ERI1: variants seen among roughly 807,000 people sequenced by gnomAD.
ERI1 encodes 3'-5' exoribonuclease 1.
ERI1 carries 39 observed loss-of-function variants against 39.7 expected under a neutral mutation model. The ratio of observed to expected loss-of-function variants is 0.98; its 90% CI spans 0.76 to 1.28. ERI1 has a LOEUF of 1.28. ERI1 is among the 50% of genes most tolerant of loss of function. The pLI, the probability that ERI1 is intolerant of heterozygous loss-of-function variation, is 0.00. For missense variants in ERI1, 581 were observed against 416.9 expected (o/e 1.39, Z -3.43); for synonymous variants, 204 against 149.6 (o/e 1.36, Z -2.65).
At chr8:9,061,102 C>T (rs1053988595) in intron 3 of ERI1, among the ~76,000 whole-genome samples, 4 of 152,124 alleles carry the variant, frequency 2.6e-5, no homozygotes, top group East Asian at 1.9e-4. Flanking sequence ...GGGAGCGGAG[C>T]GGTAGCCTCA....
intron 3 of ERI1, among the ~76,000 whole-genome samples, chr8:9,014,927 T>A (rs1817067039): frequency 6.6e-6 from 1 of 152,166 alleles, no homozygotes; most frequent in Non-Finnish European, 1.5e-5. Context: ...AACCTCTGCC[T>A]CCTGGGTTCA....
rs575612199 is a variant in ERI1, at chr8:9,025,274, C to G, written c.808-4518C>G. Among the ~76,000 whole-genome samples the G allele has an allele frequency of 8.7e-4, 133 of 152,240 alleles. 1 individual carries two copies. Among genetic ancestry groups the G allele is most frequent in the African/African-American group, 3.0e-3 (126 of 41,526 alleles). On this transcript the variant is annotated intron_variant, in intron 6 of 6. Coordinates refer to ENST00000250263, the MANE Select transcript of ERI1 (RefSeq NM_153332.4). ...AGCTTTCCTCACTTGATATCAAGCC[C>G]AAGCAAAAGGTGGACATTTTAAGGT...
rs950142664 is a variant in ERI1 at position 9,032,858 on chromosome 8, A to T, written c.*2824A>T. On this transcript the variant is annotated 3_prime_UTR_variant, in exon 7 of 7. Coordinates refer to ENST00000250263, the MANE Select transcript of ERI1 (RefSeq NM_153332.4). ...GAAACTACCTGCCTCACAGATGAGC[A>T]CGCACGGGTGCATTGTCAAAGTCTG... 6.6e-6 allele frequency: 1 copy of T among 152,194 alleles called. No homozygotes were observed. Among genetic ancestry groups the T allele is most frequent in the Non-Finnish European group, 1.5e-5 (1 of 68,034 alleles). The allele number at this position is 152,194 out of a possible 1,614,324, so 9.4% of individuals were successfully genotyped here.
intron 5 of ERI1, among the ~76,000 whole-genome samples, chr8:9,018,981 C>T (rs961875885): frequency 1.3e-5 from 2 of 152,144 alleles, no homozygotes; most frequent in Non-Finnish European, 2.9e-5. Context: ...TGACATCTGA[C>T]CATATATTCT....
chr8:9,004,191 C>A (rs113348822), intron 1 of ERI1: 1 of 1,286,292 alleles, frequency 7.8e-7, no homozygotes, highest in Non-Finnish European at 1.0e-6. Flanking sequence ...CTTTCTCCTT[C>A]TAAGGTTGTT....
chr8:9,050,548 G>C (rs189403657), intron 3 of ERI1, among the ~76,000 whole-genome samples: 136 of 151,700 alleles, frequency 9.0e-4, no homozygotes, highest in African/African-American at 3.1e-3. Flanking sequence ...CTTGAAGCTA[G>C]AACAGAAAAA....
chr8:9,083,828 C>G (rs977629452), intron 3 of ERI1, among the ~76,000 whole-genome samples: 67 of 151,994 alleles, frequency 4.4e-4, no homozygotes, highest in African/African-American at 1.5e-3. Context: ...GAGTCTCGCT[C>G]TGTAGCCCAG....
chr8:9,098,331 C>T (rs897129352), intron 3 of ERI1, among the ~76,000 whole-genome samples: 1 of 152,200 alleles, frequency 6.6e-6, no homozygotes, highest in Non-Finnish European at 1.5e-5. Context: ...ACCAGCCTGG[C>T]CAACATGGTG....
intron 1 of ERI1, among the ~76,000 whole-genome samples, chr8:9,005,368 C>T (rs1815867958): frequency 6.6e-6 from 1 of 152,174 alleles, no homozygotes. Flanking sequence ...TTTCTTGCAA[C>T]AACAGATTGT....
downstream of ERI1, among the ~76,000 whole-genome samples, chr8:9,037,674 C>A (rs1319159744): frequency 6.6e-6 from 1 of 152,068 alleles, no homozygotes; most frequent in Non-Finnish European, 1.5e-5. Context: ...AGCGTAAGTC[C>A]TGACTGCCGT....
intron 3 of ERI1, among the ~76,000 whole-genome samples, chr8:9,073,666 G>A (rs1799124346): frequency 6.6e-6 from 1 of 152,138 alleles, no homozygotes; most frequent in Non-Finnish European, 1.5e-5. Flanking sequence ...TATTCTTCTG[G>A]TATGAAATAA....
chr8:9,027,631 A>G (rs962808928), intron 6 of ERI1, among the ~76,000 whole-genome samples: 1 of 152,098 alleles, frequency 6.6e-6, no homozygotes, highest in Admixed American at 6.5e-5. Context: ...TAGGTCTTTG[A>G]TCAATTTTAA....
At chr8:9,090,927 T>G (rs1799681730) in intron 3 of ERI1, among the ~76,000 whole-genome samples, 1 of 152,200 alleles carries the variant, frequency 6.6e-6, no homozygotes, top group African/African-American at 2.4e-5. Flanking sequence ...TTTATAAACT[T>G]TTTATAGTGT....
chr8:9,092,156 C>T (rs1465421373), intron 3 of ERI1, among the ~76,000 whole-genome samples: 1 of 152,136 alleles, frequency 6.6e-6, no homozygotes, highest in Non-Finnish European at 1.5e-5. Flanking sequence ...AGGGTTTCGC[C>T]ATGTTGCCCA....
At chr8:9,041,308 C>G (rs977819545) in intron 3 of ERI1, among the ~76,000 whole-genome samples, 3 of 152,106 alleles carry the variant, frequency 2.0e-5, no homozygotes, top group Admixed American at 1.3e-4. Flanking sequence ...TCCTTGTATT[C>G]TCCCAAGAGA....
chr8:9,098,135 G>A (rs1799936238), intron 3 of ERI1, among the ~76,000 whole-genome samples: 1 of 152,226 alleles, frequency 6.6e-6, no homozygotes, highest in Admixed American at 6.5e-5. Context: ...TGTAATTCCA[G>A]CACTTTGGGA....
chr8:9,048,367 A>G, intron 3 of ERI1: 3 of 154,498 alleles, frequency 1.9e-5, no homozygotes, highest in Middle Eastern at 1.0e-3. Context: ...GTGAGGGTTC[A>G]AGATAGGAAT....
intron 5 of ERI1, 116 bp downstream of exon 5, chr8:9,018,522 C>T: frequency 3.3e-6 from 2 of 601,106 alleles, no homozygotes; most frequent in Admixed American, 3.0e-5. Flanking sequence ...AGAGTCTCAC[C>T]CCACAGGGAA....
Position 9,032,529 on chromosome 8 carries a change from C to T in ERI1, c.*2495C>T, listed in dbSNP as rs920868093. 6.6e-6 allele frequency: 1 copy of T among 152,066 alleles called. No individual in the cohort carries two copies. Among genetic ancestry groups the T allele is most frequent in the Non-Finnish European group, 1.5e-5 (1 of 68,022 alleles). 9.4% of individuals were successfully genotyped at this position (152,066 alleles called of 1,614,324 possible). ...GTGTCTTTGTTGCCTTGAGATAGAT[C>T]CATTTATCCTGCCTCCTAGGGAGAA... On this transcript the variant is annotated 3_prime_UTR_variant, in exon 7 of 7. Coordinates refer to ENST00000250263, the MANE Select transcript of ERI1 (RefSeq NM_153332.4).
Sources: gnomAD v4.1 joint callset for allele counts (sites outside exome capture counted in the v4.1 genomes callset) on GRCh38, gnomAD v4.1.1 for gene constraint, MANE v1.5 for transcripts, NCBI Gene and HGNC (gene_info 2026-07-23, HGNC 2026-07-21) for gene names.